Variants in STK3 observed in about 807,000 individuals in gnomAD.
STK3 encodes serine/threonine-protein kinase 3.
STK3 carries 41 observed loss-of-function variants against 58.0 expected under a neutral mutation model. The ratio of observed to expected loss-of-function variants is 0.71; its 90% CI spans 0.55 to 0.92. The LOEUF is 0.92. Among genes scored for constraint, STK3 ranks in the 40% least tolerant of loss-of-function variants. The pLI, the probability that STK3 is intolerant of heterozygous loss-of-function variation, is 0.00. For missense variants in STK3, 479 were observed against 602.7 expected (o/e 0.79, Z 2.15); for synonymous variants, 170 against 191.0 (o/e 0.89, Z 0.91).
chr8:98,781,266 T>C (rs1194207854), intron 1 of STK3, among the ~76,000 whole-genome samples: 1 of 152,094 alleles, frequency 6.6e-6, no homozygotes, highest in African/African-American at 2.4e-5. Flanking sequence ...GTTGAAGAAA[T>C]AGAGCTTAGA....
intron 8 of STK3, among the ~76,000 whole-genome samples, chr8:98,550,372 T>A (rs780852431): frequency 6.6e-6 from 1 of 152,176 alleles, no homozygotes; most frequent in Non-Finnish European, 1.5e-5. Context: ...TCTTCCTATG[T>A]CTTTACTTAT....
At chr8:98,434,130 GAGCAGT>G (rs1299136407) in exon 3 of STK3, 1 of 152,262 alleles carries the variant, frequency 6.6e-6, no homozygotes, top group Non-Finnish European at 1.5e-5. Context: ...AACTCACACT[GAGCAGT>G]GGTGGCATCT....
downstream of STK3, chr8:98,881,124 C>G (rs906785506): frequency 1.3e-5 from 2 of 152,120 alleles, no homozygotes; most frequent in African/African-American, 4.8e-5. Flanking sequence ...TTGAACATGA[C>G]AATGATTTCC....
chr8:98,790,626 T>G (rs929063783), intron 1 of STK3, among the ~76,000 whole-genome samples: 1 of 152,120 alleles, frequency 6.6e-6, no homozygotes, highest in Non-Finnish European at 1.5e-5. Context: ...ATGCCCACTC[T>G]CACCACTCCT....
chr8:98,897,962 C>T (rs1424290918), intron 1 of STK3, among the ~76,000 whole-genome samples: 1 of 152,244 alleles, frequency 6.6e-6, no homozygotes, highest in African/African-American at 2.4e-5. Context: ...CAGAGCTCTT[C>T]TGCCCCAGGA....
rs1586745644 is a variant in STK3 at position 98,512,005 on chromosome 8, T to C, written c.1317+14737A>G. ...TATTATTACACTTTAAGTTTTAGGG[T>C]ACATGTGCACAATGTGCAGGTTTGT... On this transcript the variant is annotated intron_variant, in intron 10 of 10. Transcript: ENST00000419617. 1.3e-5 allele frequency among the ~76,000 whole-genome samples: 2 copies of C among 152,260 alleles called. 1 individual carries two copies. Among genetic ancestry groups the C allele is most frequent in the African/African-American group, 4.8e-5 (2 of 41,568 alleles).
At chr8:98,822,526 G>T (rs559292095) in intron 1 of STK3, among the ~76,000 whole-genome samples, 1 of 152,144 alleles carries the variant, frequency 6.6e-6, no homozygotes, top group African/African-American at 2.4e-5. Context: ...AGAATAAAAA[G>T]ATGGTATATA....
chr8:98,492,757 C>T (rs1822799131), intron 10 of STK3, among the ~76,000 whole-genome samples: 1 of 152,078 alleles, frequency 6.6e-6, no homozygotes, highest in East Asian at 1.9e-4. Context: ...GAAGGCTGCA[C>T]CCACTCTTAT....
chr8:98,496,360 C>T (rs1823136784), intron 10 of STK3, among the ~76,000 whole-genome samples: 1 of 152,128 alleles, frequency 6.6e-6, no homozygotes, highest in African/African-American at 2.4e-5. Context: ...TATTTCTATG[C>T]AGCAGCAATG....
intron 1 of STK3, among the ~76,000 whole-genome samples, chr8:98,804,009 C>T (rs536984974): frequency 6.7e-6 from 1 of 148,698 alleles, no homozygotes; most frequent in South Asian, 2.2e-4. Context: ...CATTTTCTTT[C>T]TTTTTTTTTT....
chr8:98,547,623 G>T (rs894626502), intron 9 of STK3, among the ~76,000 whole-genome samples: 11 of 152,228 alleles, frequency 7.2e-5, no homozygotes, highest in African/African-American at 2.6e-4. Context: ...ATAGTCTGTT[G>T]AATTTACTGG....
rs186117179 is a variant in STK3, at chr8:98,726,895, T to A, written c.352-19584A>T. Among the ~76,000 whole-genome samples the A allele has an allele frequency of 3.9e-5, 6 of 152,340 alleles. No homozygotes were observed. In the East Asian group the frequency reaches 9.6e-4, roughly 24 times the overall value. ...AAAGCTTTGACTCAATGTCACCAGA[T>A]GTATCTTCCACAGTTTAAGATTCAT... On this transcript the variant is annotated intron_variant, in intron 4 of 10. Coordinates refer to ENST00000419617, the MANE Select transcript of STK3 (RefSeq NM_006281.4).
intron 8 of STK3, among the ~76,000 whole-genome samples, chr8:98,548,795 A>AC (rs1810932030): frequency 1.3e-5 from 2 of 152,164 alleles, no homozygotes; most frequent in Non-Finnish European, 2.9e-5. Context: ...CATGAGTACT[A>AC]CTATTCATAC....
chr8:98,487,715 G>A (rs575392112), intron 10 of STK3, among the ~76,000 whole-genome samples: 1 of 152,196 alleles, frequency 6.6e-6, no homozygotes, highest in Admixed American at 6.5e-5. Context: ...AGAACAAATA[G>A]AATCCTGTGG....
At chr8:98,912,798 T>G (rs1033323348) in intron 1 of STK3, among the ~76,000 whole-genome samples, 3 of 152,164 alleles carry the variant, frequency 2.0e-5, no homozygotes, top group Non-Finnish European at 4.4e-5. Context: ...GAAGCAATAA[T>G]AAATGGTAAA....
chr8:98,586,678 G>A lies in STK3; in HGVS notation c.823-6889C>T, dbSNP rs531912507. On this transcript the variant is annotated intron_variant, in intron 7 of 10. Coordinates refer to ENST00000419617, the MANE Select transcript of STK3 (RefSeq NM_006281.4). Reference sequence around the variant, plus strand: ...AATAGTTTCAGAAGGAATGGTACCAGTTCCTCCTTGTACCTCTGGTAGAAT... The same window carrying A: ...AATAGTTTCAGAAGGAATGGTACCAATTCCTCCTTGTACCTCTGGTAGAAT... Among the ~76,000 whole-genome samples the A allele has an allele frequency of 8.0e-4, 122 of 151,996 alleles. 1 individual carries two copies. The South Asian group carries it at 0.012, about 15-fold the overall frequency.
intron 7 of STK3, among the ~76,000 whole-genome samples, chr8:98,586,879 T>A (rs1814662026): frequency 6.6e-6 from 1 of 152,006 alleles, no homozygotes; most frequent in South Asian, 2.1e-4. Context: ...TCTAGTTTAT[T>A]TGCGTAGAGG....
intron 1 of STK3, among the ~76,000 whole-genome samples, chr8:98,387,486 C>T (rs1276303313): frequency 1.3e-5 from 2 of 152,344 alleles, no homozygotes; most frequent in South Asian, 2.1e-4. Context: ...TGGTGGCTTA[C>T]GCCTGTAACC....
intron 10 of STK3, 158 bp downstream of exon 10, chr8:98,526,584 T>A (rs1825758177): frequency 3.7e-6 from 2 of 541,412 alleles, no homozygotes; most frequent in Non-Finnish European, 5.6e-6. Context: ...GTTTCACAAT[T>A]TCTCTAACCA....
Sources: allele counts gnomAD v4.1 joint callset (sites outside exome capture counted in the v4.1 genomes callset), GRCh38; gene constraint gnomAD v4.1.1; transcripts MANE v1.5; gene names NCBI Gene and HGNC (gene_info 2026-07-23, HGNC 2026-07-21).